The following RBFOX1 variants were observed in gnomAD, a reference collection of about 807,000 sequenced individuals.
RBFOX1 encodes the protein RNA binding fox-1 homolog 1, also known as RNA binding protein fox-1 homolog 1.
In RBFOX1, 8 loss-of-function variants were observed where a neutral mutation model predicts 57.7. The ratio of observed to expected loss-of-function variants is 0.14; its 90% CI spans 0.08 to 0.25. The LOEUF is 0.25. RBFOX1 is among the 10% of genes least tolerant of loss of function. The pLI is 1.00. For synonymous variants in RBFOX1, 326 were observed against 222.4 expected (o/e 1.47, Z -4.15); for missense variants, 611 against 548.5 (o/e 1.11, Z -1.14).
At chr16:6,000,695 G>A (rs1268124143) in intron 4 of RBFOX1, among the ~76,000 whole-genome samples, 4 of 151,734 alleles carry the variant, frequency 2.6e-5, no homozygotes, top group South Asian at 2.1e-4. Context: ...GTGGATGGGT[G>A]GATGAGTGGG....
intron 4 of RBFOX1, among the ~76,000 whole-genome samples, chr16:7,509,041 G>C (rs777117392): frequency 6.6e-6 from 1 of 152,208 alleles, no homozygotes; most frequent in Non-Finnish European, 1.5e-5. Flanking sequence ...CAAAGTACTT[G>C]CAGCTTTAAA....
chr16:7,443,596 C>G lies in RBFOX1; in HGVS notation c.28-74551C>G, dbSNP rs538069777. On this transcript the variant is annotated intron_variant, in intron 4 of 15. Transcript: ENST00000550418. The stretch of plus-strand genomic sequence containing the variant: ...GGCTCCTTGAAACATAATTTTTAAG[C>G]CATTTCATTAATAGAGTTCAATGTA... Among the ~76,000 whole-genome samples, 16 of 152,114 alleles carry G rather than the reference C, an allele frequency of 1.1e-4. No individual in the cohort carries two copies. The East Asian group carries it at 3.1e-3, about 29-fold the overall frequency.
At chr16:5,585,917 C>T (rs1378562088) in intron 2 of RBFOX1, among the ~76,000 whole-genome samples, 3 of 152,102 alleles carry the variant, frequency 2.0e-5, no homozygotes, top group Admixed American at 1.3e-4. Flanking sequence ...AAGTTCTGGA[C>T]CCTGGAACCT....
At chr16:5,996,818 C>G (rs1443791494) in intron 4 of RBFOX1, among the ~76,000 whole-genome samples, 1 of 152,162 alleles carries the variant, frequency 6.6e-6, no homozygotes. Flanking sequence ...TGCTAGTGCT[C>G]TCCATCAGCC....
At chr16:5,834,730 G>GATAGATAC (rs1555541488) in intron 3 of RBFOX1, among the ~76,000 whole-genome samples, 88 of 146,414 alleles carry the variant, frequency 6.0e-4, no homozygotes, top group African/African-American at 2.1e-3. Flanking sequence ...TAGATACATA[G>GATAGATAC]ATACATACAT....
intron 1 of RBFOX1, among the ~76,000 whole-genome samples, chr16:5,284,491 A>G (rs1359392350): frequency 6.6e-6 from 1 of 151,528 alleles, no homozygotes; most frequent in Non-Finnish European, 1.5e-5. Flanking sequence ...GACCACAACA[A>G]ACAAGACACA....
chr16:6,955,065 T>G (rs1180636909), intron 3 of RBFOX1, among the ~76,000 whole-genome samples: 1 of 102,568 alleles, frequency 9.7e-6, no homozygotes, highest in Admixed American at 9.3e-5. Flanking sequence ...ACCCCATCTC[T>G]ACAAAAAAAA....
At chr16:5,378,610 T>C (rs9923528) in intron 1 of RBFOX1, among the ~76,000 whole-genome samples, 19,559 of 151,438 alleles carry the variant, frequency 0.13, 2,742 homozygotes, top group African/African-American at 0.31. Flanking sequence ...GTACTTTCCA[T>C]GTTAACATGA....
intron 4 of RBFOX1, among the ~76,000 whole-genome samples, chr16:5,912,849 A>G (rs992548632): frequency 6.6e-6 from 1 of 152,216 alleles, no homozygotes; most frequent in Non-Finnish European, 1.5e-5. Flanking sequence ...GAGGAAAAGT[A>G]TAACGAAGGG....
At chr16:6,558,411 T>C (rs2097134431) in intron 2 of RBFOX1, among the ~76,000 whole-genome samples, 1 of 152,180 alleles carries the variant, frequency 6.6e-6, no homozygotes, top group Non-Finnish European at 1.5e-5. Context: ...TATCCTGAAC[T>C]GTGCATTTTT....
At chr16:6,934,781 G>A (rs1597669334) in intron 3 of RBFOX1, among the ~76,000 whole-genome samples, 1 of 152,094 alleles carries the variant, frequency 6.6e-6, no homozygotes, top group African/African-American at 2.4e-5. Flanking sequence ...CACGCTTTGT[G>A]TATCACTTGA....
intron 1 of RBFOX1, among the ~76,000 whole-genome samples, chr16:5,275,029 T>C (rs760660845): frequency 4.6e-5 from 7 of 152,328 alleles, no homozygotes; most frequent in Admixed American, 2.6e-4. Context: ...GGTTCTTCAT[T>C]TGAGGTTTCT....
In RBFOX1 at chr16:6,657,147, T is replaced by A. The variant is rs937322031; in HGVS notation, c.-16+2497T>A. Among the ~76,000 whole-genome samples, 3 of 146,606 alleles carry A rather than the reference T, an allele frequency of 2.0e-5. No homozygotes were observed. In the South Asian group the frequency reaches 6.7e-4, roughly 33 times the overall value. ...CCTCTCCTCTCCTCTTCTCTCCTCT[T>A]CTCTCCTCTTTTCCTCCTTCCCTTT... On this transcript the variant is annotated intron_variant, in intron 3 of 15. Transcript: ENST00000550418.
intron 4 of RBFOX1, among the ~76,000 whole-genome samples, chr16:7,128,993 G>T (rs1369638942): frequency 6.6e-6 from 1 of 151,652 alleles, no homozygotes; most frequent in Admixed American, 6.6e-5. Context: ...GTTAATTTTT[G>T]TATTTTTAGT....
chr16:7,095,606 T>C (rs2151221000), intron 4 of RBFOX1, among the ~76,000 whole-genome samples: 1 of 152,352 alleles, frequency 6.6e-6, no homozygotes, highest in Non-Finnish European at 1.5e-5. Flanking sequence ...TTCTCTATAC[T>C]TGGATGTCAT....
intron 4 of RBFOX1, among the ~76,000 whole-genome samples, chr16:5,916,047 T>C (rs1004029819): frequency 1.3e-5 from 2 of 152,160 alleles, no homozygotes; most frequent in African/African-American, 2.4e-5. Flanking sequence ...CCCTGGTAGC[T>C]ATAAGATTGG....
chr16:6,111,131 G>T (rs1246041774), intron 1 of RBFOX1, among the ~76,000 whole-genome samples: 5 of 151,990 alleles, frequency 3.3e-5, no homozygotes, highest in Non-Finnish European at 7.4e-5. Flanking sequence ...AGATCATGAG[G>T]GCATTTCATA....
intron 4 of RBFOX1, among the ~76,000 whole-genome samples, chr16:7,330,388 GT>G (rs71391623): frequency 2.3e-3 from 207 of 88,136 alleles, no homozygotes; most frequent in Middle Eastern, 8.6e-3. Context: ...AGGTGCAGAG[GT>G]TTTTTTTTTT....
At chr16:5,514,981 G>A (rs1034622088) in intron 2 of RBFOX1, among the ~76,000 whole-genome samples, 3 of 152,172 alleles carry the variant, frequency 2.0e-5, no homozygotes, top group Non-Finnish European at 4.4e-5. Context: ...TTTACTCATG[G>A]TGGAAGGTGA....
Sources: gnomAD v4.1 joint callset for allele counts (sites outside exome capture counted in the v4.1 genomes callset) on GRCh38, gnomAD v4.1.1 for gene constraint, MANE v1.5 for transcripts, NCBI Gene and HGNC (gene_info 2026-07-23, HGNC 2026-07-21) for gene names.